Variants in AKAIN1 observed in about 807,000 individuals in gnomAD.
AKAIN1 encodes A-kinase anchor protein inhibitor 1.
In AKAIN1, 3 loss-of-function variants were observed where a neutral mutation model predicts 3.7. The observed-to-expected ratio is 0.82, with a 90% CI of 0.37 to 2.12. The LOEUF is 2.12. Among genes scored for constraint, AKAIN1 ranks in the 30% most tolerant of loss-of-function variants. AKAIN1 has a pLI of 0.06. For synonymous variants in AKAIN1, 31 were observed against 30.8 expected (o/e 1.01, Z -0.02); for missense variants, 82 against 82.7 (o/e 0.99, Z 0.03).
At chr18:5,151,239 A>G (rs529369854) in intron 1 of AKAIN1, among the ~76,000 whole-genome samples, 5 of 152,352 alleles carry the variant, frequency 3.3e-5, no homozygotes, top group East Asian at 3.9e-4. Context: ...TCATTTATCA[A>G]TGATGAGCAC....
rs529872617 is a variant in AKAIN1, at chr18:5,167,714, C to T, written c.17-21959G>A. Among the ~76,000 whole-genome samples the T allele has an allele frequency of 1.6e-3, 236 of 151,916 alleles. 1 individual carries two copies. The highest frequency in any genetic ancestry group is 2.7e-3 in the Non-Finnish European group (181 of 67,956). On this transcript the variant is annotated intron_variant, in intron 1 of 1. Coordinates refer to ENST00000434239, the MANE Select transcript of AKAIN1 (RefSeq NM_001145194.2). Reference sequence around the variant, plus strand: ...GTCTTATCTTAAATATTTTATTTTTCGCTAGTCTAGTCTAGTTGGTGCCAG... The same window carrying T: ...GTCTTATCTTAAATATTTTATTTTTTGCTAGTCTAGTCTAGTTGGTGCCAG...
chr18:5,156,368 A>G (rs1250921557), intron 1 of AKAIN1, among the ~76,000 whole-genome samples: 1 of 152,256 alleles, frequency 6.6e-6, no homozygotes, highest in Non-Finnish European at 1.5e-5. Flanking sequence ...GTGACAAGTC[A>G]TCAGAAAGTG....
chr18:5,158,770 C>T (rs2071122558), intron 1 of AKAIN1, among the ~76,000 whole-genome samples: 1 of 152,192 alleles, frequency 6.6e-6, no homozygotes, highest in African/African-American at 2.4e-5. Flanking sequence ...CACTCTGAGG[C>T]TCTGTAGTCA....
At chr18:5,179,469 G>T (rs1157796343) in intron 1 of AKAIN1, among the ~76,000 whole-genome samples, 2 of 151,870 alleles carry the variant, frequency 1.3e-5, no homozygotes, top group African/African-American at 2.4e-5. Context: ...ACAATCATCT[G>T]TTGATGGATA....
intron 1 of AKAIN1, among the ~76,000 whole-genome samples, chr18:5,179,710 C>T (rs1209414420): frequency 6.6e-6 from 1 of 152,084 alleles, no homozygotes; most frequent in Non-Finnish European, 1.5e-5. Flanking sequence ...AAGAAGATAA[C>T]TTCAAGTAGA....
intron 1 of AKAIN1, among the ~76,000 whole-genome samples, chr18:5,151,308 G>C (rs381345): frequency 6.6e-6 from 1 of 152,026 alleles, no homozygotes; most frequent in African/African-American, 2.4e-5. Flanking sequence ...TGATAGTTTT[G>C]TTCTTTCAGC....
rs200586870 is a variant in AKAIN1 at position 5,144,595 on chromosome 18, C to CA, written c.*966dup. Among the ~76,000 whole-genome samples, 9 of 150,064 alleles carry CA rather than the reference C, an allele frequency of 6.0e-5. No homozygotes were observed. The highest frequency in any genetic ancestry group is 1.9e-4 in the East Asian group (1 of 5,156). ...CTGACCTGTATGATTTTCATAATCT[C>CA]AAAAAAAAAATTTAATGTGTGAATG... On this transcript the variant is annotated 3_prime_UTR_variant, in exon 2 of 2. Coordinates refer to ENST00000434239, the MANE Select transcript of AKAIN1 (RefSeq NM_001145194.2).
At chr18:5,163,443 G>T (rs888672100) in intron 1 of AKAIN1, among the ~76,000 whole-genome samples, 1 of 151,992 alleles carries the variant, frequency 6.6e-6, no homozygotes, top group Non-Finnish European at 1.5e-5. Context: ...AGGTTCGTGT[G>T]CAATATAAGA....
intron 1 of AKAIN1, among the ~76,000 whole-genome samples, chr18:5,150,496 A>G (rs985158728): frequency 2.0e-5 from 3 of 152,222 alleles, no homozygotes; most frequent in African/African-American, 7.2e-5. Context: ...ATTGGCTATA[A>G]ACTCTTAAAT....
chr18:5,197,541 A>G (rs1598320121), upstream of AKAIN1: 1 of 1,112,748 alleles, frequency 9.0e-7, no homozygotes, highest in African/African-American at 1.7e-5. The surrounding 1 kb of genome is among the most constrained non-coding windows in gnomAD (Gnocchi z 6.9). Flanking sequence ...TTTACTCTCG[A>G]GGATGACTCT....
chr18:5,169,697 C>T (rs767506674), intron 1 of AKAIN1, among the ~76,000 whole-genome samples: 1 of 152,128 alleles, frequency 6.6e-6, no homozygotes, highest in Non-Finnish European at 1.5e-5. Flanking sequence ...TTTAAAAATA[C>T]TACTGTTTTC....
chr18:5,186,927 A>G (rs1327014494), intron 1 of AKAIN1, among the ~76,000 whole-genome samples: 5 of 152,166 alleles, frequency 3.3e-5, no homozygotes. Flanking sequence ...TAAACAATAC[A>G]CTTCTAAATG....
In AKAIN1 at chr18:5,145,752, T is replaced by G. The variant is rs1018026355; in HGVS notation, c.20A>C (p.Glu7Ala). Residue 7 changes from glutamate to alanine, a missense_variant, in exon 2 of 2, where the codon GAG (glutamate) becomes GCG (alanine). By Grantham distance (107) the Glu-to-Ala change is moderately radical. Coordinates refer to ENST00000434239, the MANE Select transcript of AKAIN1 (RefSeq NM_001145194.2). ...CTCTTCAGGCTCATTTCCAGGTTTC[T>G]CACCTAGCCAAAAACATGAAAAGGA... Reference protein sequence around the residue: MVFAPGEKPGNEPEEVK... With the variant: MVFAPGAKPGNEPEEVK... The G allele has an allele frequency of 5.5e-5, 85 of 1,548,336 alleles. No homozygotes were observed. The highest frequency in any genetic ancestry group is 6.9e-5 in the Non-Finnish European group (79 of 1,144,494).
At chr18:5,193,261 A>G (rs1154999) in intron 1 of AKAIN1, among the ~76,000 whole-genome samples, 53,329 of 152,074 alleles carry the variant, frequency 0.35, 11,376 homozygotes, top group South Asian at 0.54. Flanking sequence ...TCCTCCATGA[A>G]ATCCTTGTTA....
chr18:5,172,084 C>A (rs2071200824), intron 1 of AKAIN1, among the ~76,000 whole-genome samples: 1 of 152,058 alleles, frequency 6.6e-6, no homozygotes, highest in Admixed American at 6.6e-5. Context: ...TGAAATAAGC[C>A]AGATGCAGAA....
At chr18:5,183,078 C>G (rs887068757) in intron 1 of AKAIN1, among the ~76,000 whole-genome samples, 1 of 151,994 alleles carries the variant, frequency 6.6e-6, no homozygotes, top group African/African-American at 2.4e-5. Flanking sequence ...ACTTTCAAAT[C>G]CTGGTTCTGC....
intron 1 of AKAIN1, among the ~76,000 whole-genome samples, chr18:5,190,903 C>T (rs2143034741): frequency 6.6e-6 from 1 of 152,228 alleles, no homozygotes; most frequent in Admixed American, 6.5e-5. Context: ...GGCCCTACTG[C>T]AAATACCATC....
intron 1 of AKAIN1, among the ~76,000 whole-genome samples, chr18:5,190,016 C>T (rs1162854382): frequency 1.3e-5 from 2 of 152,138 alleles, no homozygotes; most frequent in South Asian, 2.1e-4. Context: ...ATTTGGCTCA[C>T]GATTCTGGAT....
chr18:5,145,817 G>A, intron 1 of AKAIN1, 62 bp from the exon 2 acceptor site: 1 of 1,394,288 alleles, frequency 7.2e-7, no homozygotes, highest in Non-Finnish European at 9.9e-7. Context: ...ATGTGAGAGG[G>A]AAAGGTAGAG....
Sources: allele counts gnomAD v4.1 joint callset (sites outside exome capture counted in the v4.1 genomes callset), GRCh38; gene constraint gnomAD v4.1.1; non-coding constraint Gnocchi (gnomAD v3.1); transcripts MANE v1.5; gene names NCBI Gene and HGNC (gene_info 2026-07-23, HGNC 2026-07-21).